LASP1: variants seen among roughly 807,000 people sequenced by gnomAD.
The protein encoded by LASP1 is LIM and SH3 protein 1.
LASP1 carries 10 observed loss-of-function variants against 38.6 expected under a neutral mutation model. That is an observed-to-expected ratio of 0.26 (90% confidence interval 0.16 to 0.44). LASP1 has a LOEUF of 0.44. Ranked by LOEUF, LASP1 falls within the 20% of genes least tolerant of loss-of-function variation. The pLI, the probability that LASP1 is intolerant of heterozygous loss-of-function variation, is 1.00. For missense variants in LASP1, 243 were observed against 375.7 expected (o/e 0.65, Z 2.92); for synonymous variants, 132 against 140.8 (o/e 0.94, Z 0.44).
chr17:38,911,125 C>G (rs1036678126), intron 4 of LASP1, among the ~76,000 whole-genome samples: 5 of 152,090 alleles, frequency 3.3e-5, no homozygotes, highest in African/African-American at 1.2e-4. Context: ...TGTGGGAGAC[C>G]CCTGCATCAG....
At chr17:38,911,471 C>T (rs989219743) in intron 4 of LASP1, among the ~76,000 whole-genome samples, 3 of 152,112 alleles carry the variant, frequency 2.0e-5, no homozygotes, top group African/African-American at 4.8e-5. Flanking sequence ...GGGGAGGATT[C>T]GGCGAGCTGA....
At chr17:38,878,855 A>T (rs1410047734) in intron 2 of LASP1, among the ~76,000 whole-genome samples, 3 of 152,068 alleles carry the variant, frequency 2.0e-5, no homozygotes, top group Non-Finnish European at 4.4e-5. Flanking sequence ...AGTCATCTTG[A>T]GTATAGTGCA....
intron 2 of LASP1, 104 bp from the exon 3 acceptor site, chr17:38,890,316 C>T (rs996495994): frequency 9.3e-7 from 1 of 1,071,074 alleles, no homozygotes; most frequent in Non-Finnish European, 1.4e-6. Context: ...CAGGGCGTGC[C>T]CAAGCATAGG....
chr17:38,876,371 T>C (rs1488342299), intron 1 of LASP1, among the ~76,000 whole-genome samples: 1 of 151,244 alleles, frequency 6.6e-6, no homozygotes, highest in Non-Finnish European at 1.5e-5. Flanking sequence ...ATTTATTTAT[T>C]TATTTTTGAG....
chr17:38,901,295 C>T (rs1182498267), intron 4 of LASP1, among the ~76,000 whole-genome samples: 1 of 152,226 alleles, frequency 6.6e-6, no homozygotes, highest in African/African-American at 2.4e-5. Flanking sequence ...AAACTCACCA[C>T]CCTGGCCAAG....
At chr17:38,907,031 C>T (rs1049846380) in intron 4 of LASP1, among the ~76,000 whole-genome samples, 4 of 152,170 alleles carry the variant, frequency 2.6e-5, no homozygotes, top group African/African-American at 9.7e-5. Context: ...TGAGCCAGGC[C>T]CTTGGAAGCT....
Position 38,920,204 on chromosome 17 carries a change from C to G in LASP1, c.*1426C>G. On this transcript the variant is annotated 3_prime_UTR_variant, in exon 7 of 7. Coordinates refer to ENST00000318008, the MANE Select transcript of LASP1 (RefSeq NM_006148.4). The stretch of plus-strand genomic sequence containing the variant: ...AGCGGTGGAGGAAGGCTCTGTCACT[C>G]CAGGCATATGTTTCCCCATCTCTGT... 1 of 500,428 alleles carries G rather than the reference C, an allele frequency of 2.0e-6. No homozygotes were observed. The allele number at this position is 500,428 out of a possible 1,614,324, so 31.0% of individuals were successfully genotyped here. A position where few individuals can be genotyped will look rare whatever the true frequency, so the allele number is the denominator to read the frequency against.
intron 3 of LASP1, among the ~76,000 whole-genome samples, chr17:38,894,770 C>G (rs974973012): frequency 9.2e-5 from 14 of 152,084 alleles, no homozygotes; most frequent in Admixed American, 8.5e-4. Flanking sequence ...CAGGGTCTCT[C>G]TCTGTCTCCC....
rs1346034075 is a variant in LASP1, at chr17:38,883,887, A to G, written c.164+5707A>G. On this transcript the variant is annotated intron_variant, in intron 2 of 6. Transcript: ENST00000318008. ...TGTTGCTTCCTATCGCCACCACTTC[A>G]GCCCCTTAGGCCTGAGGGGATGGAC... 4.0e-5 allele frequency among the ~76,000 whole-genome samples: 6 copies of G among 151,220 alleles called. No individual in the cohort carries two copies. In the East Asian group the frequency reaches 1.2e-3, roughly 29 times the overall value.
At chr17:38,884,132 G>A (rs920419838) in intron 2 of LASP1, among the ~76,000 whole-genome samples, 1 of 152,034 alleles carries the variant, frequency 6.6e-6, no homozygotes, top group Non-Finnish European at 1.5e-5. Context: ...TCCAAGCCTG[G>A]AACGGGCGAG....
In LASP1 at chr17:38,918,305, C is replaced by T. The variant is rs565598071; in HGVS notation, c.613-300C>T. On this transcript the variant is annotated intron_variant, in intron 6 of 6. Coordinates refer to ENST00000318008, the MANE Select transcript of LASP1 (RefSeq NM_006148.4). The surrounding 1 kb of genome is among the most constrained non-coding windows in gnomAD (Gnocchi z 4.4). Reference sequence around the variant, plus strand: ...GCATGTCGTATTTTTAGACATTACTCTGTCATCATGGCTGGTGGACCTTAC... The same window carrying T: ...GCATGTCGTATTTTTAGACATTACTTTGTCATCATGGCTGGTGGACCTTAC... 4.6e-5 allele frequency among the ~76,000 whole-genome samples: 7 copies of T among 152,180 alleles called. No homozygotes were observed. Among genetic ancestry groups the T allele is most frequent in the Non-Finnish European group, 8.8e-5 (6 of 68,030 alleles).
intron 4 of LASP1, among the ~76,000 whole-genome samples, chr17:38,900,596 T>C: frequency 6.6e-6 from 1 of 151,922 alleles, no homozygotes; most frequent in East Asian, 1.9e-4. Flanking sequence ...CCGCTTGAAC[T>C]CGGGAGGCAG....
chr17:38,911,003 G>T (rs560595162), intron 4 of LASP1, among the ~76,000 whole-genome samples: 1 of 152,246 alleles, frequency 6.6e-6, no homozygotes, highest in South Asian at 2.1e-4. Flanking sequence ...GATTACAGGC[G>T]TGAGTCACCG....
In LASP1 at chr17:38,893,790, C is replaced by T. The variant is rs180994368; in HGVS notation, c.249+3286C>T. On this transcript the variant is annotated intron_variant, in intron 3 of 6. Coordinates refer to ENST00000318008, the MANE Select transcript of LASP1 (RefSeq NM_006148.4). ...TGAGCCGGCCAGGCTGGAGCAGTGA[C>T]GGGTTCTGGTTCCTGTGGCTGCCGT... is the stretch of plus-strand genomic sequence containing the variant. Among the ~76,000 whole-genome samples, 394 of 152,282 alleles carry T rather than the reference C, an allele frequency of 2.6e-3. 9 individuals carry two copies. In the South Asian group the frequency reaches 0.037, roughly 14 times the overall value.
chr17:38,912,562 G>C (rs1374588094), intron 4 of LASP1, among the ~76,000 whole-genome samples: 1 of 152,226 alleles, frequency 6.6e-6, no homozygotes, highest in Non-Finnish European at 1.5e-5. Context: ...CTTGGGCTGA[G>C]ATCCAGGAGA....
At chr17:38,907,135 A>G (rs1914796213) in intron 4 of LASP1, among the ~76,000 whole-genome samples, 1 of 152,144 alleles carries the variant, frequency 6.6e-6, no homozygotes, top group Non-Finnish European at 1.5e-5. Context: ...AAGTAATAAC[A>G]CAATTTCCTC....
At position 38,870,625 on chromosome 17, in the gene LASP1, C is replaced by T. The variant is rs570067268; in HGVS notation, c.69+367C>T. ...TGAGAAGAGACGGCCGCTCCCTCTC[C>T]GCTCTGCGCCGAGCGCCAAGTAGGC... On this transcript the variant is annotated intron_variant, in intron 1 of 6. Coordinates refer to ENST00000318008, the MANE Select transcript of LASP1 (RefSeq NM_006148.4). Among the ~76,000 whole-genome samples, 237 of 151,088 alleles carry T rather than the reference C, an allele frequency of 1.6e-3. 1 individual carries two copies. Among genetic ancestry groups the T allele is most frequent in the Middle Eastern group, 0.014 (4 of 294 alleles).
At chr17:38,875,457 G>T (rs1913743080) in intron 1 of LASP1, among the ~76,000 whole-genome samples, 1 of 152,154 alleles carries the variant, frequency 6.6e-6, no homozygotes, top group African/African-American at 2.4e-5. Context: ...GAGTCTTTAA[G>T]TTGCCTCATA....
chr17:38,882,448 A>G (rs975027983), intron 2 of LASP1, among the ~76,000 whole-genome samples: 9 of 151,898 alleles, frequency 5.9e-5, no homozygotes, highest in African/African-American at 2.2e-4. Flanking sequence ...GGGTTTTTCC[A>G]TGTTGGCCAG....
Sources: gnomAD v4.1 joint callset for allele counts (sites outside exome capture counted in the v4.1 genomes callset) on GRCh38, gnomAD v4.1.1 for gene constraint, Gnocchi (gnomAD v3.1) non-coding constraint, MANE v1.5 for transcripts, NCBI Gene and HGNC (gene_info 2026-07-23, HGNC 2026-07-21) for gene names.